Variants in PLEKHB2 observed in about 807,000 individuals in gnomAD.
PLEKHB2 encodes pleckstrin homology domain-containing family B member 2.
In PLEKHB2, 31 loss-of-function variants were observed where a neutral mutation model predicts 36.5. That is an observed-to-expected ratio of 0.85 (90% CI 0.64 to 1.15). The LOEUF (loss-of-function observed/expected upper bound fraction) is 1.15, where lower values mean the gene tolerates loss of function less well. Among genes scored for constraint, PLEKHB2 ranks in the 50% most tolerant of loss-of-function variants. The pLI is 0.00. For missense variants in PLEKHB2, 262 were observed against 295.3 expected (o/e 0.89, Z 0.83); for synonymous variants, 119 against 112.0 (o/e 1.06, Z -0.39).
intron 7 of PLEKHB2, among the ~76,000 whole-genome samples, chr2:131,145,526 G>A (rs1021276099): frequency 1.3e-5 from 2 of 151,996 alleles, no homozygotes; most frequent in African/African-American, 2.4e-5. Context: ...TAAGAGACAG[G>A]GTTTCACTGT....
chr2:131,108,343 C>G (rs899772642), intron 1 of PLEKHB2, among the ~76,000 whole-genome samples: 1 of 152,152 alleles, frequency 6.6e-6, no homozygotes, highest in Non-Finnish European at 1.5e-5. Flanking sequence ...GTTTTATTCT[C>G]TAGAGACCAA....
At chr2:131,143,436 C>T (rs1698983100) in intron 7 of PLEKHB2, among the ~76,000 whole-genome samples, 4 of 152,218 alleles carry the variant, frequency 2.6e-5, no homozygotes, top group Admixed American at 2.0e-4. Context: ...TTATCTCTAC[C>T]TCAGCCTCCT....
At chr2:131,129,714 G>A (rs1235365053) in intron 4 of PLEKHB2, among the ~76,000 whole-genome samples, 1 of 152,116 alleles carries the variant, frequency 6.6e-6, no homozygotes, top group East Asian at 1.9e-4. Context: ...ATGTTGGCCA[G>A]GCTGGTCTCG....
chr2:131,146,854 C>CA lies in PLEKHB2; in HGVS notation c.*85dup, dbSNP rs1699341062. The CA allele has an allele frequency of 7.9e-7, 1 of 1,260,476 alleles. No homozygotes were observed. Among genetic ancestry groups the CA allele is most frequent in the African/African-American group, 1.5e-5 (1 of 66,268 alleles). 78.1% of individuals were successfully genotyped at this position (1,260,476 alleles called of 1,614,324 possible). A position where few individuals can be genotyped will look rare whatever the true frequency, so the allele number is the denominator to read the frequency against. On this transcript the variant is annotated 3_prime_UTR_variant, in exon 8 of 8. Coordinates refer to ENST00000693505, the MANE Select transcript of PLEKHB2 (RefSeq NM_001100623.2). The stretch of plus-strand genomic sequence containing the variant: ...ATTTGCAGGGCATTTCTGTTTGTGA[C>CA]AAAAGTTTTTAATAATAGTTTTAAT...
chr2:131,131,218 G>A (rs991630540), intron 5 of PLEKHB2, among the ~76,000 whole-genome samples: 11 of 152,216 alleles, frequency 7.2e-5, no homozygotes, highest in African/African-American at 1.7e-4. Context: ...AGCAAGCTGG[G>A]TTTGTCAAAT....
intron 7 of PLEKHB2, among the ~76,000 whole-genome samples, chr2:131,143,636 A>G (rs1451391087): frequency 1.3e-5 from 2 of 152,192 alleles, no homozygotes; most frequent in East Asian, 1.9e-4. Flanking sequence ...TTGTGCTCTA[A>G]AAGTTTTGAT....
At chr2:131,108,792 AG>A (rs1694985505) in intron 1 of PLEKHB2, among the ~76,000 whole-genome samples, 1 of 152,234 alleles carries the variant, frequency 6.6e-6, no homozygotes, top group Non-Finnish European at 1.5e-5. Context: ...TAATAATAGT[AG>A]TAAATAGTAA....
chr2:131,116,514 T>A (rs1300680022), intron 1 of PLEKHB2, among the ~76,000 whole-genome samples: 9 of 152,178 alleles, frequency 5.9e-5, no homozygotes, highest in African/African-American at 2.2e-4. Flanking sequence ...CTTACAATCA[T>A]GGCAGAAGGC....
intron 2 of PLEKHB2, among the ~76,000 whole-genome samples, chr2:131,124,790 CTT>C (rs761840735): frequency 4.1e-5 from 6 of 144,624 alleles, no homozygotes; most frequent in Non-Finnish European, 6.1e-5. Flanking sequence ...CGTGTTTTTT[CTT>C]TTTTTTTTTT....
intron 1 of PLEKHB2, among the ~76,000 whole-genome samples, chr2:131,105,869 C>T (rs1694665257): frequency 6.6e-6 from 1 of 152,216 alleles, no homozygotes; most frequent in African/African-American, 2.4e-5. Context: ...CTCCCGGCGT[C>T]CGATCTCTAC....
chr2:131,115,574 C>T (rs751396681), intron 1 of PLEKHB2, among the ~76,000 whole-genome samples: 17 of 151,746 alleles, frequency 1.1e-4, no homozygotes, highest in Non-Finnish European at 2.1e-4. Context: ...AGGATGGTCT[C>T]GATCTCTTGA....
At chr2:131,120,228 G>A (rs1453218467) in intron 1 of PLEKHB2, 1 of 152,332 alleles carries the variant, frequency 6.6e-6, no homozygotes, top group Admixed American at 6.5e-5. Context: ...GCCTCCCAAA[G>A]TGCTGGGATT....
Position 131,146,965 on chromosome 2 carries a change from A to G in PLEKHB2, c.*192A>G. The G allele has an allele frequency of 8.8e-6, 4 of 453,500 alleles. No individual in the cohort carries two copies. The highest frequency in any genetic ancestry group is 1.5e-5 in the Non-Finnish European group (4 of 263,208). The allele number at this position is 453,500 out of a possible 1,614,324, so 28.1% of individuals were successfully genotyped here. A position where few individuals can be genotyped will look rare whatever the true frequency, so the allele number is the denominator to read the frequency against. Reference sequence around the variant, plus strand: ...GGTTTGAACTGTGCTATTTTGTTCAAATGTTGACTCTCCGGGGGCACTGGC... The same window carrying G: ...GGTTTGAACTGTGCTATTTTGTTCAGATGTTGACTCTCCGGGGGCACTGGC... On this transcript the variant is annotated 3_prime_UTR_variant, in exon 8 of 8. Coordinates refer to ENST00000693505, the MANE Select transcript of PLEKHB2 (RefSeq NM_001100623.2).
intron 1 of PLEKHB2, among the ~76,000 whole-genome samples, chr2:131,106,808 A>G (rs1694784084): frequency 6.6e-6 from 1 of 152,230 alleles, no homozygotes; most frequent in East Asian, 1.9e-4. Context: ...GGGTTTCCCT[A>G]ATAAACAGCA....
At chr2:131,107,117 C>G (rs1573506330) in intron 1 of PLEKHB2, among the ~76,000 whole-genome samples, 1 of 152,196 alleles carries the variant, frequency 6.6e-6, no homozygotes, top group African/African-American at 2.4e-5. Context: ...TTTCTCCTTT[C>G]CTCTGCCTGC....
chr2:131,119,268 G>A (rs1013798650), intron 1 of PLEKHB2, among the ~76,000 whole-genome samples: 1 of 151,874 alleles, frequency 6.6e-6, no homozygotes, highest in Non-Finnish European at 1.5e-5. Flanking sequence ...AAAAAAAAAA[G>A]CATGCAAGTT....
Position 131,146,894 on chromosome 2 carries a change from T to C in PLEKHB2, c.*121T>C. On this transcript the variant is annotated 3_prime_UTR_variant, in exon 8 of 8. Coordinates refer to ENST00000693505, the MANE Select transcript of PLEKHB2 (RefSeq NM_001100623.2). ...ATAGTTTTAATCATTCCTTTGAAAG[T>C]AGTGATGTCATAATTGTACTAATCC... The C allele has an allele frequency of 1.2e-6, 1 of 820,336 alleles. No individual in the cohort carries two copies. The highest frequency in any genetic ancestry group is 1.9e-6 in the Non-Finnish European group (1 of 524,964). The allele number at this position is 820,336 out of a possible 1,614,324, so 50.8% of individuals were successfully genotyped here. A position where few individuals can be genotyped will look rare whatever the true frequency, so the allele number is the denominator to read the frequency against.
chr2:131,145,685 CG>C (rs1699215349), intron 7 of PLEKHB2, among the ~76,000 whole-genome samples: 1 of 152,132 alleles, frequency 6.6e-6, no homozygotes, highest in Non-Finnish European at 1.5e-5. Flanking sequence ...GGAAAGTTAA[CG>C]CTATTAATAC....
chr2:131,137,178 AC>A (rs1698351469), intron 6 of PLEKHB2, among the ~76,000 whole-genome samples: 1 of 148,940 alleles, frequency 6.7e-6, no homozygotes, highest in African/African-American at 2.6e-5. Context: ...CGATCTCCTG[AC>A]CTCGTGATCT....
Sources: allele counts gnomAD v4.1 joint callset (sites outside exome capture counted in the v4.1 genomes callset), GRCh38; gene constraint gnomAD v4.1.1; transcripts MANE v1.5; gene names NCBI Gene and HGNC (gene_info 2026-07-23, HGNC 2026-07-21).